TOGARAM1: variants seen among roughly 807,000 people sequenced by gnomAD.
TOGARAM1 encodes the protein TOG array regulator of axonemal microtubules 1.
TOGARAM1 carries 100 observed loss-of-function variants against 166.6 expected under a neutral mutation model. The observed-to-expected ratio is 0.60, with a 90% CI of 0.51 to 0.71. TOGARAM1 has a LOEUF of 0.71. Among genes scored for constraint, TOGARAM1 ranks in the 30% least tolerant of loss-of-function variants. The pLI, the probability that TOGARAM1 is intolerant of heterozygous loss-of-function variation, is 0.00. For missense variants in TOGARAM1, 2,029 were observed against 2,102.7 expected (o/e 0.96, Z 0.69); for synonymous variants, 758 against 763.8 (o/e 0.99, Z 0.13).
At chr14:45,001,025 C>G (rs1326037528) in intron 3 of TOGARAM1, among the ~76,000 whole-genome samples, 1 of 152,154 alleles carries the variant, frequency 6.6e-6, no homozygotes, top group Non-Finnish European at 1.5e-5. Context: ...GCCACCATGC[C>G]CAGCACATTT....
chr14:45,039,701 G>T (rs1881626069), intron 11 of TOGARAM1, among the ~76,000 whole-genome samples: 1 of 152,214 alleles, frequency 6.6e-6, no homozygotes, highest in African/African-American at 2.4e-5. Flanking sequence ...CAGGCAGTGG[G>T]AGAAGGCACT....
At chr14:44,986,822 C>T (rs926435305) in intron 1 of TOGARAM1, among the ~76,000 whole-genome samples, 3 of 150,698 alleles carry the variant, frequency 2.0e-5, no homozygotes, top group East Asian at 2.1e-4. Context: ...CTGGCTAACA[C>T]GGTGTAACCC....
At chr14:45,011,641 G>A (rs1879799548) in intron 6 of TOGARAM1, among the ~76,000 whole-genome samples, 2 of 151,904 alleles carry the variant, frequency 1.3e-5, no homozygotes, top group South Asian at 4.1e-4. Context: ...ATGGATTCTT[G>A]GATCATTTTT....
Position 45,044,859 on chromosome 14 carries a change from T to C in TOGARAM1, c.4143T>C (p.Asn1381=), listed in dbSNP as rs1470748053. The change falls in exon 13 of 20, where the codon AAT becomes AAC. Residue 1381 remains asparagine (N), a synonymous_variant. Transcript: ENST00000361462. ...CACGTGCAGTTGTTTCTCTTATCAA[T>C]GGTGGACAAAGGTAATGTTCAAAAT... The part of the protein sequence containing the change: ...TPARAVVSLI[N]GGQSHLHIAV... 2 of 1,610,306 alleles carry C rather than the reference T, an allele frequency of 1.2e-6. No homozygotes were observed. Among genetic ancestry groups the C allele is most frequent in the Non-Finnish European group, 8.5e-7 (1 of 1,177,870 alleles).
chr14:45,049,595 A>G (rs1416982308), intron 14 of TOGARAM1, among the ~76,000 whole-genome samples: 1 of 152,132 alleles, frequency 6.6e-6, no homozygotes, highest in Non-Finnish European at 1.5e-5. Context: ...GTTTGATTAG[A>G]TTAATTCCAC....
At chr14:45,025,285 G>A (rs1880764127) in intron 7 of TOGARAM1, among the ~76,000 whole-genome samples, 1 of 152,076 alleles carries the variant, frequency 6.6e-6, no homozygotes, top group African/African-American at 2.4e-5. Flanking sequence ...AAAGGAAGGG[G>A]CCAGGCATGG....
At chr14:45,009,755 C>G (rs928037774) in intron 6 of TOGARAM1, among the ~76,000 whole-genome samples, 1 of 152,168 alleles carries the variant, frequency 6.6e-6, no homozygotes, top group Non-Finnish European at 1.5e-5. Flanking sequence ...GTAACCTCTA[C>G]GTCTTAAACC....
At position 45,068,366 on chromosome 14, in the gene TOGARAM1, T is replaced by C. The variant is rs79279544; in HGVS notation, c.4750-58T>C. On this transcript the variant is annotated intron_variant, in intron 17 of 19. Transcript: ENST00000361462. ...ATATTATGACATGCCAAGATACTTATAAATACAATAGCTATAAAAATCATT... is the reference window on the plus strand; with the variant it reads ...ATATTATGACATGCCAAGATACTTACAAATACAATAGCTATAAAAATCATT... 1.7e-3 allele frequency: 2,044 copies of C among 1,214,384 alleles called. 23 individuals carry two copies. The African/African-American group carries it at 0.025, about 15-fold the overall frequency. 75.2% of individuals were successfully genotyped at this position (1,214,384 alleles called of 1,614,324 possible). A position where few individuals can be genotyped will look rare whatever the true frequency, so the allele number is the denominator to read the frequency against.
chr14:45,062,467 A>T (rs1435660170), intron 16 of TOGARAM1, among the ~76,000 whole-genome samples: 1 of 152,146 alleles, frequency 6.6e-6, no homozygotes, highest in East Asian at 1.9e-4. Flanking sequence ...CTTTCTTTAA[A>T]TTACAGTGTT....
chr14:45,044,853 T>C lies in TOGARAM1; in HGVS notation c.4137T>C (p.Leu1379=). 1 of 1,611,298 alleles carries C rather than the reference T, an allele frequency of 6.2e-7. No individual in the cohort carries two copies. The highest frequency in any genetic ancestry group is 8.5e-7 in the Non-Finnish European group (1 of 1,178,592). The change falls in exon 13 of 20, where the codon CTT becomes CTC. Residue 1379 remains leucine (L), a synonymous_variant. Coordinates refer to ENST00000361462, the MANE Select transcript of TOGARAM1 (RefSeq NM_001308120.2). The stretch of plus-strand genomic sequence containing the variant: ...CTCCTGCACGTGCAGTTGTTTCTCT[T>C]ATCAATGGTGGACAAAGGTAATGTT... ...NVTPARAVVS[L]INGGQSHLHI...
chr14:45,048,627 C>CA (rs1474379576), intron 14 of TOGARAM1, among the ~76,000 whole-genome samples: 4 of 152,008 alleles, frequency 2.6e-5, no homozygotes, highest in Non-Finnish European at 2.9e-5. Flanking sequence ...TTCAGAAGGC[C>CA]AAAATCAGGG....
At chr14:45,032,570 A>G (rs1881223065) in intron 11 of TOGARAM1, among the ~76,000 whole-genome samples, 194 bp downstream of exon 11, 1 of 152,212 alleles carries the variant, frequency 6.6e-6, no homozygotes, top group Non-Finnish European at 1.5e-5. Flanking sequence ...TACCAGTTGT[A>G]TTATAGCTTA....
intron 16 of TOGARAM1, among the ~76,000 whole-genome samples, chr14:45,062,740 T>C (rs535254696): frequency 1.3e-5 from 2 of 152,316 alleles, no homozygotes; most frequent in South Asian, 4.1e-4. Flanking sequence ...TGCCCCAGTA[T>C]AGGATAATGT....
intron 1 of TOGARAM1, among the ~76,000 whole-genome samples, chr14:44,977,458 G>C (rs773064260): frequency 2.6e-5 from 4 of 151,564 alleles, no homozygotes; most frequent in Non-Finnish European, 4.4e-5. Context: ...GGATGGTCTT[G>C]ATCTCCTGAC....
At chr14:44,996,693 G>A (rs893929036) in intron 2 of TOGARAM1, 5 of 152,596 alleles carry the variant, frequency 3.3e-5, no homozygotes, top group Non-Finnish European at 5.8e-5. Context: ...AAGAAAAGAG[G>A]TTTAATTGGC....
intron 7 of TOGARAM1, among the ~76,000 whole-genome samples, chr14:45,015,655 A>G (rs1880087906): frequency 6.6e-6 from 1 of 150,988 alleles, no homozygotes. Context: ...GGAGCCCTTT[A>G]TATGCATTTT....
chr14:45,033,924 A>G (rs1165040872), intron 11 of TOGARAM1, among the ~76,000 whole-genome samples: 1 of 152,162 alleles, frequency 6.6e-6, no homozygotes, highest in Admixed American at 6.5e-5. Flanking sequence ...GCACTTTGGG[A>G]GGCCAGATGA....
intron 16 of TOGARAM1, among the ~76,000 whole-genome samples, chr14:45,063,679 G>A (rs1883009376): frequency 6.6e-6 from 1 of 151,690 alleles, no homozygotes; most frequent in African/African-American, 2.4e-5. Context: ...AGGGTTTCAC[G>A]ATGTTGGCCA....
chr14:45,014,951 G>T (rs1880028192), intron 7 of TOGARAM1, among the ~76,000 whole-genome samples: 2 of 152,022 alleles, frequency 1.3e-5, no homozygotes, highest in Admixed American at 6.6e-5. Context: ...CTAGCTTGTT[G>T]CCCCAGCTAC....
Sources: allele counts gnomAD v4.1 joint callset (sites outside exome capture counted in the v4.1 genomes callset), GRCh38; gene constraint gnomAD v4.1.1; transcripts MANE v1.5; gene names NCBI Gene and HGNC (gene_info 2026-07-23, HGNC 2026-07-21).